Variants in FGF12 observed in about 807,000 individuals in gnomAD.
The protein encoded by FGF12 is fibroblast growth factor 12B.
FGF12 carries 14 observed loss-of-function variants against 23.6 expected under a neutral mutation model. That is an observed-to-expected ratio of 0.59 (90% CI 0.39 to 0.93). FGF12 has a LOEUF of 0.93. Among genes scored for constraint, FGF12 ranks in the 40% least tolerant of loss-of-function variants. The pLI is 0.00. For missense variants in FGF12, 175 were observed against 217.8 expected (o/e 0.80, Z 1.24); for synonymous variants, 62 against 77.3 (o/e 0.80, Z 1.04).
At chr3:192,620,537 C>T (rs1245554359) in intron 2 of FGF12, among the ~76,000 whole-genome samples, 3 of 152,138 alleles carry the variant, frequency 2.0e-5, no homozygotes, top group Non-Finnish European at 4.4e-5. Flanking sequence ...CAGCATGCCA[C>T]CAACCTGCTG....
Position 192,727,179 on chromosome 3 carries a change from AC to A in FGF12, c.13+1del. 6.3e-7 allele frequency: 1 copy of A among 1,579,280 alleles called. No individual in the cohort carries two copies. Among genetic ancestry groups the A allele is most frequent in the Non-Finnish European group, 8.6e-7 (1 of 1,162,508 alleles). On this transcript the variant is annotated splice_donor_variant, in intron 2 of 5. Coordinates refer to ENST00000445105, the MANE Select transcript of FGF12 (RefSeq NM_004113.6). LOFTEE classifies it high-confidence loss of function. ...AGTCCCCCGATAGGGACAACCACAT[AC>A]CTTTGCTCTCCATTTCGGTCCCTTT... is the stretch of plus-strand genomic sequence containing the variant.
intron 2 of FGF12, among the ~76,000 whole-genome samples, chr3:192,661,936 CGCTT>C (rs1716686682): frequency 6.6e-6 from 1 of 152,140 alleles, no homozygotes; most frequent in Non-Finnish European, 1.5e-5. Context: ...TACAATATCA[CGCTT>C]GCCATAAAAT....
chr3:192,276,915 C>T (rs149965097), intron 4 of FGF12, among the ~76,000 whole-genome samples: 1 of 152,282 alleles, frequency 6.6e-6, no homozygotes, highest in Non-Finnish European at 1.5e-5. Context: ...CTGAGTTTCC[C>T]TACTCAGTCT....
intron 2 of FGF12, among the ~76,000 whole-genome samples, chr3:192,565,796 G>A (rs905980750): frequency 2.6e-5 from 4 of 152,074 alleles, no homozygotes; most frequent in African/African-American, 9.7e-5. Context: ...ATTAAGAGAC[G>A]CATGACTGGG....
At chr3:192,165,963 G>A (rs6800396) in intron 5 of FGF12, among the ~76,000 whole-genome samples, 2,972 of 152,166 alleles carry the variant, frequency 0.02, 98 homozygotes, top group African/African-American at 0.068. Flanking sequence ...ACTATTGTGA[G>A]GCTTAACAGA....
At chr3:192,307,115 AC>A (rs1337467907) in intron 4 of FGF12, among the ~76,000 whole-genome samples, 3 of 152,220 alleles carry the variant, frequency 2.0e-5, no homozygotes, top group Admixed American at 6.5e-5. Context: ...TACAGCACTT[AC>A]CATATCTTAG....
intron 4 of FGF12, among the ~76,000 whole-genome samples, chr3:192,220,072 C>T (rs1477649590): frequency 6.6e-6 from 1 of 152,058 alleles, no homozygotes; most frequent in African/African-American, 2.4e-5. Context: ...AGTCCAGGCC[C>T]TCATTACTTC....
intron 2 of FGF12, among the ~76,000 whole-genome samples, chr3:192,401,086 A>G (rs1384044057): frequency 2.6e-5 from 4 of 152,362 alleles, no homozygotes; most frequent in South Asian, 4.1e-4. Context: ...TATTAAAACA[A>G]TAATAAGCCC....
intron 2 of FGF12, among the ~76,000 whole-genome samples, chr3:192,723,511 AT>A (rs1448059965): frequency 6.6e-6 from 1 of 152,058 alleles, no homozygotes; most frequent in African/African-American, 2.4e-5. Context: ...TCCAGATTTG[AT>A]TTGGTAGATG....
intron 2 of FGF12, among the ~76,000 whole-genome samples, chr3:192,676,843 AT>A (rs1717342544): frequency 6.6e-6 from 1 of 152,230 alleles, no homozygotes; most frequent in Non-Finnish European, 1.5e-5. Context: ...GGAACAGACT[AT>A]CCCTAATATT....
chr3:192,523,310 G>C (rs1724867350), intron 2 of FGF12, among the ~76,000 whole-genome samples: 1 of 152,104 alleles, frequency 6.6e-6, no homozygotes, highest in African/African-American at 2.4e-5. Context: ...TTATCCTCTA[G>C]GATGAAGGGA....
intron 2 of FGF12, among the ~76,000 whole-genome samples, chr3:192,656,241 T>G (rs1009151309): frequency 2.0e-5 from 3 of 151,320 alleles, no homozygotes; most frequent in African/African-American, 7.3e-5. Flanking sequence ...TAGTATCCTT[T>G]AACTGTCACT....
intron 2 of FGF12, chr3:192,673,160 T>C (rs1389443201): frequency 1.3e-5 from 2 of 150,836 alleles, no homozygotes; most frequent in Non-Finnish European, 3.0e-5. Context: ...TCTAACTCCA[T>C]AGGCTTCCTG....
intron 2 of FGF12, among the ~76,000 whole-genome samples, chr3:192,454,787 A>G (rs1722630072): frequency 6.6e-6 from 1 of 152,248 alleles, no homozygotes; most frequent in Non-Finnish European, 1.5e-5. Flanking sequence ...TCTGAGGAGA[A>G]AAAGGTGTCA....
At chr3:192,515,834 C>CTT (rs10681949) in intron 2 of FGF12, among the ~76,000 whole-genome samples, 116,301 of 147,604 alleles carry the variant, frequency 0.79, 47,283 homozygotes, top group Non-Finnish European at 0.89. Context: ...CCCCTTGACT[C>CTT]TTTTTTTTTT....
intron 4 of FGF12, 122 bp downstream of exon 4, chr3:192,335,239 A>G (rs1717336780): frequency 3.0e-6 from 2 of 663,916 alleles, no homozygotes; most frequent in Admixed American, 2.7e-5. Flanking sequence ...CCCGAAAAAC[A>G]GGATCACAAA....
At chr3:192,400,978 T>C (rs528112264) in intron 2 of FGF12, among the ~76,000 whole-genome samples, 3 of 152,342 alleles carry the variant, frequency 2.0e-5, no homozygotes, top group East Asian at 3.9e-4. Flanking sequence ...CTAGAAAGTA[T>C]TGAGTACCCC....
rs553041028 is a variant in FGF12 at position 192,668,624 on chromosome 3, A to G, written c.13+58557T>C. Among the ~76,000 whole-genome samples the G allele has an allele frequency of 1.3e-4, 20 of 152,288 alleles. 2 individuals are homozygous for G. The South Asian group carries it at 3.9e-3, about 30-fold the overall frequency. ...TGCAGGACCTGAAATTTGACTACCC[A>G]GAAACGGCAGAACTCATCCTGAGAT... On this transcript the variant is annotated intron_variant, in intron 2 of 5. Transcript: ENST00000445105.
chr3:192,412,715 A>G (rs1406871623), intron 2 of FGF12, among the ~76,000 whole-genome samples: 1 of 152,212 alleles, frequency 6.6e-6, no homozygotes, highest in African/African-American at 2.4e-5. Context: ...TGCTTAAATC[A>G]ATTTATTTTA....
Sources: allele counts gnomAD v4.1 joint callset (sites outside exome capture counted in the v4.1 genomes callset), GRCh38; gene constraint gnomAD v4.1.1; transcripts MANE v1.5; gene names NCBI Gene and HGNC (gene_info 2026-07-23, HGNC 2026-07-21).